Variants in SARM1 observed in about 807,000 individuals in gnomAD.
The protein encoded by SARM1 is sterile alpha and TIR motif containing 1, also known as NAD(+) hydrolase SARM1.
SARM1 carries 60 observed loss-of-function variants against 65.1 expected under a neutral mutation model. The ratio of observed to expected loss-of-function variants is 0.92; its 90% CI spans 0.75 to 1.14. SARM1 has a LOEUF of 1.14. Among genes scored for constraint, SARM1 ranks in the 50% most tolerant of loss-of-function variants. The probability of loss-of-function intolerance (pLI) is 0.00; values close to 1 mark genes in which losing one functional copy is unlikely to be tolerated. For synonymous variants in SARM1, 417 were observed against 465.4 expected (o/e 0.90, Z 1.34); for missense variants, 913 against 1,015.7 (o/e 0.90, Z 1.37).
At chr17:28,389,406 T>A (rs2068069550) in intron 7 of SARM1, among the ~76,000 whole-genome samples, 1 of 152,224 alleles carries the variant, frequency 6.6e-6, no homozygotes, top group Non-Finnish European at 1.5e-5. Context: ...TTCATCATTG[T>A]ATTTTCAGTG....
In SARM1 at chr17:28,381,359, C is replaced by G; in HGVS notation, c.627C>G (p.Asp209Glu). Residue 209 changes from aspartate to glutamate, a missense_variant, in exon 2 of 9, where the codon GAC (aspartate) becomes GAG (glutamate). This residue lies in a region of SARM1 where 862 missense variants were observed against 952.1 expected (regional missense o/e 0.91). Coordinates refer to ENST00000585482, the MANE Select transcript of SARM1 (RefSeq NM_015077.4). The stretch of plus-strand genomic sequence containing the variant: ...GGCTGGTGGCGGCCGGCGGCCTGGA[C>G]GCGGTGCTGTATTGGTGCCGCCGCA... ...CQRLVAAGGL[D>E]AVLYWCRRTD... The G allele has an allele frequency of 6.3e-7, 1 of 1,576,486 alleles. No individual in the cohort carries two copies. Among genetic ancestry groups the G allele is most frequent in the Non-Finnish European group, 8.6e-7 (1 of 1,162,276 alleles).
intron 7 of SARM1, among the ~76,000 whole-genome samples, chr17:28,393,401 A>G (rs1436537717): frequency 7.2e-5 from 11 of 152,040 alleles, no homozygotes; most frequent in African/African-American, 2.7e-4. Flanking sequence ...AATACAAAAA[A>G]TTAGCCGGAC....
chr17:28,390,835 G>A (rs1167150806), intron 7 of SARM1, among the ~76,000 whole-genome samples: 1 of 152,226 alleles, frequency 6.6e-6, no homozygotes, highest in African/African-American at 2.4e-5. Context: ...AGGAATAAAG[G>A]TAGGGAGGAG....
rs2067963584 is a variant in SARM1, at chr17:28,372,440, G to A, written c.408G>A (p.Pro136=). The A allele has an allele frequency of 3.9e-6, 6 of 1,530,436 alleles. No homozygotes were observed. The highest frequency in any genetic ancestry group is 5.2e-6 in the Non-Finnish European group (6 of 1,145,356). The allele number at this position is 1,530,436 out of a possible 1,614,324, so 94.8% of individuals were successfully genotyped here. Residue 136 remains proline (P), a synonymous_variant, in exon 1 of 9, where the codon CCG becomes CCA. Coordinates refer to ENST00000585482, the MANE Select transcript of SARM1 (RefSeq NM_015077.4). The surrounding 1 kb of genome is among the most constrained non-coding windows in gnomAD (Gnocchi z 5.2). ...TGCTGTTGCGGCTGCTGCAGGCGCC[G>A]GAGTTGGAGACGCGTGTGCAGGCCG... ...LDLLLRLLQA[P]ELETRVQAAR...
intron 1 of SARM1, among the ~76,000 whole-genome samples, chr17:28,375,307 C>T (rs1275675016): frequency 3.3e-5 from 5 of 152,134 alleles, no homozygotes; most frequent in African/African-American, 1.2e-4. Flanking sequence ...TTTGAAATCA[C>T]AGAAAGGCGG....
chr17:28,397,474 TATC>T lies in SARM1; in HGVS notation c.*1192_*1194del, dbSNP rs1363276106. ...TCATCAGAGCAACTCTACCTGGTATTATCATCCCCATTTTACAGATAATGACAC... is the reference window on the plus strand; with the variant it reads ...TCATCAGAGCAACTCTACCTGGTATTATCCCCATTTTACAGATAATGACAC... On this transcript the variant is annotated 3_prime_UTR_variant, in exon 9 of 9. Transcript: ENST00000585482. 1.3e-5 allele frequency: 2 copies of T among 152,126 alleles called. No individual in the cohort carries two copies. Among genetic ancestry groups the T allele is most frequent in the Non-Finnish European group, 2.9e-5 (2 of 68,032 alleles). The allele number at this position is 152,126 out of a possible 1,614,324, so 9.4% of individuals were successfully genotyped here.
chr17:28,380,982 G>A (rs1555585121), intron 1 of SARM1, among the ~76,000 whole-genome samples: 1 of 152,198 alleles, frequency 6.6e-6, no homozygotes, highest in African/African-American at 2.4e-5. Context: ...AGGGGAGGAG[G>A]GAGGGGGAGA....
At chr17:28,387,213 A>ATTCTT (rs529727875) in intron 5 of SARM1, among the ~76,000 whole-genome samples, 13,747 of 149,160 alleles carry the variant, frequency 0.092, 775 homozygotes, top group East Asian at 0.22. Context: ...ACACTGGGCA[A>ATTCTT]TTCTTTTCTT....
In SARM1 at chr17:28,401,170, TCA is replaced by T. The variant is rs782362764; in HGVS notation, c.*4886_*4887del. 3 of 251,586 alleles carry T rather than the reference TCA, an allele frequency of 1.2e-5. No homozygotes were observed. The highest frequency in any genetic ancestry group is 2.4e-5 in the Non-Finnish European group (3 of 127,076). The allele number at this position is 251,586 out of a possible 1,614,324, so 15.6% of individuals were successfully genotyped here. On this transcript the variant is annotated 3_prime_UTR_variant, in exon 9 of 9. Transcript: ENST00000585482. ...ATCAGTTCCAATATTCATAGCGGTG[TCA>T]CCACTGAATAGCTTCTTATCCTTTG...
At chr17:28,375,269 T>C (rs1481430473) in intron 1 of SARM1, among the ~76,000 whole-genome samples, 1 of 152,186 alleles carries the variant, frequency 6.6e-6, no homozygotes, top group Non-Finnish European at 1.5e-5. Flanking sequence ...CCCAGGAATA[T>C]TCAATGAATA....
At chr17:28,376,164 T>C (rs1416775275) in intron 1 of SARM1, among the ~76,000 whole-genome samples, 3 of 152,086 alleles carry the variant, frequency 2.0e-5, no homozygotes, top group Non-Finnish European at 4.4e-5. Flanking sequence ...AAGTGAGGGC[T>C]GGGGCATCAG....
intron 1 of SARM1, among the ~76,000 whole-genome samples, chr17:28,380,161 G>A (rs1226419214): frequency 6.8e-6 from 1 of 147,306 alleles, no homozygotes; most frequent in South Asian, 2.1e-4. Context: ...TCCCACCTTG[G>A]CCTCCATGTG....
intron 2 of SARM1, among the ~76,000 whole-genome samples, chr17:28,382,110 G>A (rs1267289953): frequency 6.6e-6 from 1 of 152,040 alleles, no homozygotes; most frequent in Non-Finnish European, 1.5e-5. Flanking sequence ...GGTGAGGACG[G>A]AGGCAAGGCA....
chr17:28,384,212 C>T lies in SARM1; in HGVS notation c.1090-145C>T, dbSNP rs902083325. On this transcript the variant is annotated intron_variant, in intron 2 of 8. Transcript: ENST00000585482. This position sits in a 1 kb window ranked among gnomAD's most constrained non-coding sequence, Gnocchi z 4.4. ...ACTTCAGGAGGGGGAATCCGCAGGACCCCATGACTTAGTGGCTGAAGGTGG... is the reference window on the plus strand; with the variant it reads ...ACTTCAGGAGGGGGAATCCGCAGGATCCCATGACTTAGTGGCTGAAGGTGG... 45 of 623,766 alleles carry T rather than the reference C, an allele frequency of 7.2e-5. No homozygotes were observed. Among genetic ancestry groups the T allele is most frequent in the Admixed American group, 3.6e-4 (11 of 30,510 alleles). 38.6% of individuals were successfully genotyped at this position (623,766 alleles called of 1,614,324 possible). A position where few individuals can be genotyped will look rare whatever the true frequency, so the allele number is the denominator to read the frequency against.
Position 28,372,304 on chromosome 17 carries a change from G to A in SARM1, c.272G>A (p.Gly91Asp), listed in dbSNP as rs1460789682. Reference sequence around the variant, plus strand: ...GGCGGCGCGCGGGCCGTGGGCGCCGGCCTGGCCGAGGTCTTCCAACTGGTG... The same window carrying A: ...GGCGGCGCGCGGGCCGTGGGCGCCGACCTGGCCGAGGTCTTCCAACTGGTG... ...QAGGARAVGA[G>D]LAEVFQLVEE... The change falls in exon 1 of 9, where the codon GGC becomes GAC. Residue 91 changes from glycine to aspartate, a missense_variant. By Grantham distance (94) the Gly-to-Asp change is moderately conservative (BLOSUM62 -1). This residue lies in a region of SARM1 where 862 missense variants were observed against 952.1 expected (regional missense o/e 0.91). Coordinates refer to ENST00000585482, the MANE Select transcript of SARM1 (RefSeq NM_015077.4). This position sits in a 1 kb window ranked among gnomAD's most constrained non-coding sequence, Gnocchi z 5.2. 2.8e-6 allele frequency: 4 copies of A among 1,419,196 alleles called. No individual in the cohort carries two copies. The African/African-American group carries it at 4.5e-5, about 16-fold the overall frequency. 87.9% of individuals were successfully genotyped at this position (1,419,196 alleles called of 1,614,324 possible). A position where few individuals can be genotyped will look rare whatever the true frequency, so the allele number is the denominator to read the frequency against.
chr17:28,376,840 G>A (rs550106126), intron 1 of SARM1, among the ~76,000 whole-genome samples: 1 of 32,850 alleles, frequency 3.0e-5, no homozygotes, highest in South Asian at 1.6e-3. Flanking sequence ...CCAGGCTGGA[G>A]TGCAGTGGCA....
chr17:28,386,141 A>C (rs1412182247), intron 5 of SARM1, among the ~76,000 whole-genome samples: 1 of 151,968 alleles, frequency 6.6e-6, no homozygotes, highest in Non-Finnish European at 1.5e-5. Context: ...TAAAAGCACA[A>C]AAAAATACAA....
rs2068224565 is a variant in SARM1 at position 28,403,916 on chromosome 17, A to C, written c.*7630A>C. On this transcript the variant is annotated 3_prime_UTR_variant, in exon 9 of 9. Transcript: ENST00000585482. Reference sequence around the variant, plus strand: ...GTGGTCCCAGCTACTAGAGAGGCCAAGGTGGGAGGATCATCTGGGCCCGGG... The same window carrying C: ...GTGGTCCCAGCTACTAGAGAGGCCACGGTGGGAGGATCATCTGGGCCCGGG... 2 of 152,750 alleles carry C rather than the reference A, an allele frequency of 1.3e-5. No individual in the cohort carries two copies. The highest frequency in any genetic ancestry group is 2.9e-5 in the Non-Finnish European group (2 of 68,502). 9.5% of individuals were successfully genotyped at this position (152,750 alleles called of 1,614,324 possible).
intron 2 of SARM1, among the ~76,000 whole-genome samples, chr17:28,382,937 G>A (rs1364470087): frequency 6.6e-6 from 1 of 152,214 alleles, no homozygotes. Context: ...TGGAGGCTTG[G>A]AGGTTGGTGA....
Sources: allele counts gnomAD v4.1 joint callset (sites outside exome capture counted in the v4.1 genomes callset), GRCh38; gene constraint gnomAD v4.1.1; regional missense constraint gnomAD v4.1.1; non-coding constraint Gnocchi (gnomAD v3.1); transcripts MANE v1.5; gene names NCBI Gene and HGNC (gene_info 2026-07-23, HGNC 2026-07-21).